The following CAMTA1 variants were observed in gnomAD, a reference collection of about 807,000 sequenced individuals.
CAMTA1 encodes calmodulin binding transcription activator 1.
CAMTA1 carries 27 observed loss-of-function variants against 170.9 expected under a neutral mutation model. The ratio of observed to expected loss-of-function variants is 0.16; its 90% CI spans 0.12 to 0.22. The LOEUF is 0.22. Ranked by LOEUF, CAMTA1 falls within the 10% of genes least tolerant of loss-of-function variation. The pLI is 1.00. For missense variants in CAMTA1, 1,619 were observed against 2,217.2 expected (o/e 0.73, Z 5.42); for synonymous variants, 833 against 891.5 (o/e 0.93, Z 1.17).
chr1:7,715,576 G>T (rs1399628798), intron 11 of CAMTA1, among the ~76,000 whole-genome samples: 2 of 152,114 alleles, frequency 1.3e-5, no homozygotes, highest in South Asian at 4.1e-4. Context: ...GGGATTACAG[G>T]TGTAGCCACT....
chr1:6,941,201 T>A (rs972884882), intron 3 of CAMTA1, among the ~76,000 whole-genome samples: 2 of 152,120 alleles, frequency 1.3e-5, no homozygotes, highest in Non-Finnish European at 2.9e-5. Context: ...TCTCAATAGC[T>A]GCATGTAGAG....
In CAMTA1 at chr1:7,083,026, C is replaced by T. The variant is rs150264646; in HGVS notation, c.235-8278C>T. Among the ~76,000 whole-genome samples, 912 of 152,286 alleles carry T rather than the reference C, an allele frequency of 6.0e-3. 1 individual carries two copies. The highest frequency in any genetic ancestry group is 0.01 in the Middle Eastern group (3 of 294). On this transcript the variant is annotated intron_variant, in intron 3 of 22. Coordinates refer to ENST00000303635, the MANE Select transcript of CAMTA1 (RefSeq NM_015215.4). ...CTCAATAATTCATCGAATGGTTGAA[C>T]CAATGAGTAGATAAATGAATGAAAG...
chr1:7,037,893 A>AAT (rs1052258068), intron 3 of CAMTA1, among the ~76,000 whole-genome samples: 2 of 149,890 alleles, frequency 1.3e-5, no homozygotes, highest in Admixed American at 6.7e-5. Flanking sequence ...TGTTACTAGG[A>AAT]ATATATATAT....
At chr1:7,459,944 G>T (rs758092106) in intron 5 of CAMTA1, among the ~76,000 whole-genome samples, 1 of 152,264 alleles carries the variant, frequency 6.6e-6, no homozygotes, top group African/African-American at 2.4e-5. Context: ...TGAGCCATCA[G>T]TTCTCAGAGC....
chr1:6,896,216 C>T (rs1319535698), intron 3 of CAMTA1, among the ~76,000 whole-genome samples: 1 of 152,190 alleles, frequency 6.6e-6, no homozygotes, highest in African/African-American at 2.4e-5. Flanking sequence ...TGTACTTAAA[C>T]AGAATCAGCC....
At position 6,843,187 on chromosome 1, in the gene CAMTA1, C is replaced by T. The variant is rs78156945; in HGVS notation, c.234+17977C>T. 2.9e-3 allele frequency among the ~76,000 whole-genome samples: 434 copies of T among 152,240 alleles called. 2 individuals are homozygous for T. Among genetic ancestry groups the T allele is most frequent in the African/African-American group, 0.01 (420 of 41,536 alleles). On this transcript the variant is annotated intron_variant, in intron 3 of 22. Transcript: ENST00000303635. ...TGAATAGCCTAATATGACGAAGCAGCTATTTGTAACATGTGGGAATTATTT... is the reference window on the plus strand; with the variant it reads ...TGAATAGCCTAATATGACGAAGCAGTTATTTGTAACATGTGGGAATTATTT...
chr1:7,142,886 C>T (rs1469686348), intron 4 of CAMTA1, among the ~76,000 whole-genome samples: 1 of 152,248 alleles, frequency 6.6e-6, no homozygotes, highest in Non-Finnish European at 1.5e-5. Context: ...AGGTGCCTTC[C>T]CTGAAACACG....
At chr1:7,088,210 AG>A (rs1328796677) in intron 3 of CAMTA1, among the ~76,000 whole-genome samples, 1 of 152,110 alleles carries the variant, frequency 6.6e-6, no homozygotes, top group Non-Finnish European at 1.5e-5. Flanking sequence ...CTTCTCTCAG[AG>A]GGGCTCTGTG....
intron 1 of CAMTA1, among the ~76,000 whole-genome samples, chr1:6,817,286 G>A (rs1645941119): frequency 6.6e-6 from 1 of 152,116 alleles, no homozygotes; most frequent in Non-Finnish European, 1.5e-5. Context: ...TTTGATAATA[G>A]GAAGCCAGGA....
intron 5 of CAMTA1, among the ~76,000 whole-genome samples, chr1:7,315,365 A>T (rs981525197): frequency 4.6e-5 from 7 of 152,218 alleles, no homozygotes; most frequent in African/African-American, 7.2e-5. Context: ...TTTCTTTTCT[A>T]TGCAAAGGAT....
chr1:7,588,605 A>T lies in CAMTA1; in HGVS notation c.511-51795A>T, dbSNP rs969371325. ...TCCCATGCAGCTCCAGGCCAGGGCG[A>T]TCTGAGCAGCCCCAGCCACAGTGGC... On this transcript the variant is annotated intron_variant, in intron 6 of 22. Transcript: ENST00000303635. The surrounding 1 kb of genome is among the most constrained non-coding windows in gnomAD (Gnocchi z 5.8). Among the ~76,000 whole-genome samples, 14 of 152,100 alleles carry T rather than the reference A, an allele frequency of 9.2e-5. No homozygotes were observed. The highest frequency in any genetic ancestry group is 6.5e-5 in the Admixed American group (1 of 15,276).
At chr1:7,101,083 C>G (rs558559968) in intron 4 of CAMTA1, among the ~76,000 whole-genome samples, 10 of 152,156 alleles carry the variant, frequency 6.6e-5, no homozygotes, top group South Asian at 2.1e-4. Context: ...CCACACTGAT[C>G]GATAAGTATT....
chr1:7,403,491 G>A (rs571014583), intron 5 of CAMTA1, among the ~76,000 whole-genome samples: 8 of 152,292 alleles, frequency 5.3e-5, no homozygotes, highest in Admixed American at 2.6e-4. Flanking sequence ...ATCAGAGAGC[G>A]GAAAGTACCT....
At chr1:7,069,774 A>C (rs973931240) in intron 3 of CAMTA1, among the ~76,000 whole-genome samples, 3 of 152,208 alleles carry the variant, frequency 2.0e-5, no homozygotes, top group African/African-American at 7.2e-5. Context: ...CCATTTGCCA[A>C]ATCAGCAAAG....
At chr1:7,119,533 G>A (rs969359828) in intron 4 of CAMTA1, among the ~76,000 whole-genome samples, 6 of 152,158 alleles carry the variant, frequency 3.9e-5, no homozygotes, top group Non-Finnish European at 7.3e-5. Flanking sequence ...CCCCTGAGCC[G>A]AAAACATACA....
At chr1:7,626,440 C>A (rs1018366872) in intron 6 of CAMTA1, among the ~76,000 whole-genome samples, 1 of 152,180 alleles carries the variant, frequency 6.6e-6, no homozygotes, top group Non-Finnish European at 1.5e-5. Context: ...TCACTACCAC[C>A]AGGAAGACAC....
chr1:7,527,530 GTA>G (rs372800599), intron 6 of CAMTA1, among the ~76,000 whole-genome samples: 1 of 152,362 alleles, frequency 6.6e-6, no homozygotes, highest in African/African-American at 2.4e-5. Context: ...AGAGGCAAGA[GTA>G]TAGCACAGAG....
intron 6 of CAMTA1, among the ~76,000 whole-genome samples, chr1:7,529,992 C>A (rs745920239): frequency 4.6e-5 from 7 of 152,220 alleles, no homozygotes; most frequent in Non-Finnish European, 8.8e-5. Flanking sequence ...AGCATGCTCC[C>A]CTGCCACCGA....
intron 6 of CAMTA1, among the ~76,000 whole-genome samples, chr1:7,488,817 AC>A (rs1241119744): frequency 3.3e-5 from 5 of 152,186 alleles, no homozygotes; most frequent in African/African-American, 1.2e-4. Context: ...ACAAATATGT[AC>A]CTTAACATCA....
Sources: allele counts gnomAD v4.1 joint callset (sites outside exome capture counted in the v4.1 genomes callset), GRCh38; gene constraint gnomAD v4.1.1; non-coding constraint Gnocchi (gnomAD v3.1); transcripts MANE v1.5; gene names NCBI Gene and HGNC (gene_info 2026-07-23, HGNC 2026-07-21).